AFTPH: variants seen among roughly 807,000 people sequenced by gnomAD.
The protein encoded by AFTPH is aftiphilin protein.
AFTPH carries 7 observed loss-of-function variants against 72.5 expected under a neutral mutation model. That is an observed-to-expected ratio of 0.10 (90% CI 0.05 to 0.18). The LOEUF is 0.18. Among genes scored for constraint, AFTPH ranks in the 10% least tolerant of loss-of-function variants. AFTPH has a pLI of 1.00. For synonymous variants in AFTPH, 337 were observed against 370.1 expected, an observed-to-expected ratio of 0.91 and a Z score of 1.03; for missense variants, 979 against 1,060.5, an observed-to-expected ratio of 0.92 and a Z score of 1.07.
In AFTPH at chr2:64,582,674, C is replaced by A. The variant is rs145499129; in HGVS notation, c.2456-2748C>A. ...ATGTATATCTTTTTGTTACTGTATT[C>A]CCAAGAATTATTAAGCTCCCATTTT... On this transcript the variant is annotated intron_variant, in intron 7 of 8. Transcript: ENST00000238856. 5.9e-5 allele frequency among the ~76,000 whole-genome samples: 9 copies of A among 152,194 alleles called. No homozygotes were observed. The East Asian group carries it at 1.7e-3, about 29-fold the overall frequency.
chr2:64,550,725 ACACAC>A (rs1211377240), intron 1 of AFTPH, among the ~76,000 whole-genome samples: 2 of 144,626 alleles, frequency 1.4e-5, no homozygotes, highest in Non-Finnish European at 3.0e-5. Flanking sequence ...ACACACACAC[ACACAC>A]AACTGGTGAA....
chr2:64,588,779 C>G (rs1558635599), intron 8 of AFTPH, among the ~76,000 whole-genome samples: 2 of 152,082 alleles, frequency 1.3e-5, no homozygotes, highest in East Asian at 3.9e-4. Flanking sequence ...GAGACAAGGT[C>G]TCAGTATGTT....
At chr2:64,532,201 C>A (rs1268583099) in intron 1 of AFTPH, among the ~76,000 whole-genome samples, 1 of 145,530 alleles carries the variant, frequency 6.9e-6, no homozygotes, top group Admixed American at 6.7e-5. Context: ...AGTGCAAAGA[C>A]CCTGTGGCAC....
At chr2:64,575,215 A>G (rs908643755) in intron 6 of AFTPH, among the ~76,000 whole-genome samples, 1 of 152,226 alleles carries the variant, frequency 6.6e-6, no homozygotes, top group Non-Finnish European at 1.5e-5. Flanking sequence ...GGACTTGACA[A>G]AAAAGTAGTC....
intron 1 of AFTPH, among the ~76,000 whole-genome samples, chr2:64,546,144 C>T (rs941418635): frequency 2.0e-5 from 3 of 151,794 alleles, no homozygotes; most frequent in Non-Finnish European, 2.9e-5. Flanking sequence ...CCTCCCACCT[C>T]GGCCTCCCAA....
chr2:64,572,815 A>AT (rs1491027103), intron 5 of AFTPH, 131 bp from the exon 6 acceptor site: 2 of 1,189,450 alleles, frequency 1.7e-6, no homozygotes, highest in East Asian at 5.1e-5. Flanking sequence ...AAAAAAAAAA[A>AT]AGACTAGTTC....
chr2:64,524,861 C>T (rs1399186861), intron 1 of AFTPH, among the ~76,000 whole-genome samples: 1 of 152,254 alleles, frequency 6.6e-6, no homozygotes, highest in African/African-American at 2.4e-5. Context: ...CGGGCACCGG[C>T]CGGGTAAGTG....
chr2:64,539,233 G>C (rs1229749739), intron 1 of AFTPH, among the ~76,000 whole-genome samples: 1 of 152,154 alleles, frequency 6.6e-6, no homozygotes, highest in Non-Finnish European at 1.5e-5. Flanking sequence ...AAAGAAATTA[G>C]TTGGACTATC....
chr2:64,565,770 G>GT lies in AFTPH; in HGVS notation c.1936-1791dup, dbSNP rs1356770123. ...AATCTCCTGCTCTATCTTATTCAAC[G>GT]TAAGATTTGAAGCAATCTAATGTAA... On this transcript the variant is annotated intron_variant, in intron 2 of 8. Transcript: ENST00000238856. 2.0e-5 allele frequency among the ~76,000 whole-genome samples: 3 copies of GT among 152,182 alleles called. No homozygotes were observed. In the South Asian group the frequency reaches 6.2e-4, roughly 31 times the overall value.
chr2:64,526,569 C>A (rs1461344215), intron 1 of AFTPH, among the ~76,000 whole-genome samples: 1 of 151,964 alleles, frequency 6.6e-6, no homozygotes, highest in Non-Finnish European at 1.5e-5. Context: ...CTTTCAATTC[C>A]TTTTTAAGTA....
intron 2 of AFTPH, among the ~76,000 whole-genome samples, chr2:64,562,099 A>G (rs778102816): frequency 2.0e-5 from 3 of 152,276 alleles, no homozygotes; most frequent in East Asian, 1.9e-4. Flanking sequence ...TAGTTTCTTC[A>G]TCTGTAATAT....
chr2:64,569,596 T>A, intron 4 of AFTPH, 27 bp from the exon 5 acceptor site: 1 of 1,609,052 alleles, frequency 6.2e-7, no homozygotes, highest in Non-Finnish European at 8.5e-7. Flanking sequence ...TCTAAATATA[T>A]GTTCTTTCTG....
intron 1 of AFTPH, among the ~76,000 whole-genome samples, chr2:64,525,751 C>A (rs542783380): frequency 1.3e-5 from 2 of 152,310 alleles, no homozygotes; most frequent in East Asian, 3.9e-4. Context: ...CAGTCACGTA[C>A]ATTTTATATG....
chr2:64,541,030 A>G (rs1670220972), intron 1 of AFTPH, among the ~76,000 whole-genome samples: 1 of 152,132 alleles, frequency 6.6e-6, no homozygotes, highest in Admixed American at 6.5e-5. Context: ...ATGTTTGATT[A>G]ACTTGTGATT....
At chr2:64,585,696 C>A in intron 8 of AFTPH, 151 bp downstream of exon 9, 1 of 818,904 alleles carries the variant, frequency 1.2e-6, no homozygotes, top group Non-Finnish European at 1.8e-6. Context: ...AAAATATTAT[C>A]AAATTATGTT....
At chr2:64,584,257 T>C (rs946020723) in intron 7 of AFTPH, among the ~76,000 whole-genome samples, 3 of 152,148 alleles carry the variant, frequency 2.0e-5, no homozygotes, top group Non-Finnish European at 4.4e-5. Flanking sequence ...CTTTTTAATG[T>C]TATTGTTGTC....
chr2:64,535,065 A>G (rs957798819), intron 1 of AFTPH, among the ~76,000 whole-genome samples: 2 of 152,334 alleles, frequency 1.3e-5, no homozygotes, highest in Non-Finnish European at 2.9e-5. Flanking sequence ...CTAGTCTCAG[A>G]TAAATGTGTA....
exon 2 of AFTPH, chr2:64,551,912 A>G (rs1671068951): frequency 6.2e-7 from 1 of 1,613,698 alleles, no homozygotes; most frequent in Non-Finnish European, 8.5e-7. Context: ...ATGTTGGAAC[A>G]CTTGAAAGTT....
intron 1 of AFTPH, among the ~76,000 whole-genome samples, chr2:64,541,415 T>G (rs749962927): frequency 1.1e-4 from 16 of 152,122 alleles, no homozygotes; most frequent in Non-Finnish European, 2.1e-4. Context: ...TGTGCTAATA[T>G]GCTAAGAACA....
Sources: allele counts gnomAD v4.1 joint callset (sites outside exome capture counted in the v4.1 genomes callset), GRCh38; gene constraint gnomAD v4.1.1; transcripts MANE v1.5; gene names NCBI Gene and HGNC (gene_info 2026-07-23, HGNC 2026-07-21).